METTL2A: variants seen among roughly 807,000 people sequenced by gnomAD.
The protein encoded by METTL2A is methyltransferase 2A, tRNA N3-cytidine, also known as tRNA N(3)-cytidine methyltransferase METTL2A.
METTL2A carries 45 observed loss-of-function variants against 49.4 expected under a neutral mutation model. That is an observed-to-expected ratio of 0.91 (90% CI 0.72 to 1.17). The LOEUF (loss-of-function observed/expected upper bound fraction) is 1.17. Among genes scored for constraint, METTL2A ranks in the 50% most tolerant of loss-of-function variants. The probability of loss-of-function intolerance (pLI) is 0.00; values close to 1 mark genes in which losing one functional copy is unlikely to be tolerated. For missense variants in METTL2A, 361 were observed against 462.2 expected (o/e 0.78, Z 2.01); for synonymous variants, 118 against 167.5 (o/e 0.70, Z 2.28).
intron 4 of METTL2A, among the ~76,000 whole-genome samples, chr17:62,430,554 A>G (rs1372519186): frequency 6.6e-6 from 1 of 152,120 alleles, no homozygotes; most frequent in Non-Finnish European, 1.5e-5. Context: ...CACACCTTGC[A>G]TGTCTTCCCC....
chr17:62,447,208 G>C lies in METTL2A; in HGVS notation c.917-493G>C, dbSNP rs550242559. ...CCACGGTGGGTGGATCACCTGAGGTGAGGAGTTTGAGACCAGCCTGGCCAA... is the reference window on the plus strand; with the variant it reads ...CCACGGTGGGTGGATCACCTGAGGTCAGGAGTTTGAGACCAGCCTGGCCAA... On this transcript the variant is annotated intron_variant, in intron 7 of 8. Transcript: ENST00000311506. Among the ~76,000 whole-genome samples the C allele has an allele frequency of 4.1e-4, 62 of 152,168 alleles. No individual in the cohort carries two copies. In the South Asian group the frequency reaches 6.4e-3, roughly 16 times the overall value.
chr17:62,451,128 G>A lies in METTL2A; in HGVS notation c.*2399G>A, dbSNP rs1287542665. Among the ~76,000 whole-genome samples, 2 of 145,858 alleles carry A rather than the reference G, an allele frequency of 1.4e-5. No individual in the cohort carries two copies. The highest frequency in any genetic ancestry group is 5.0e-5 in the African/African-American group (2 of 40,034). On this transcript the variant is annotated 3_prime_UTR_variant, in exon 9 of 9. Coordinates refer to ENST00000311506, the MANE Select transcript of METTL2A (RefSeq NM_181725.4). ...GGAGTTCAAGACCAGGCTGGGTAAT[G>A]TAGCAAGACCCTGACTTTTTTTTTT... is the stretch of plus-strand genomic sequence containing the variant.
At chr17:62,447,089 A>G (rs1398356118) in intron 7 of METTL2A, among the ~76,000 whole-genome samples, 1 of 152,180 alleles carries the variant, frequency 6.6e-6, no homozygotes, top group Non-Finnish European at 1.5e-5. Context: ...GATTGTCTCA[A>G]GTTTCCTTAA....
At position 62,440,738 on chromosome 17, in the gene METTL2A, C is replaced by G. The variant is rs1199680194; in HGVS notation, c.791C>G (p.Ser264Ter). Residue 264 changes from serine to a stop codon, truncating the protein, a stop_gained, in exon 6 of 9, where the codon TCA (serine) becomes TGA (stop). Transcript: ENST00000311506. LOFTEE classifies it high-confidence loss of function. Reference protein sequence around the residue: ...LDIIILIFVLSAIVPDKMQKA... With the variant: ...LDIIILIFVL Reference sequence around the variant, plus strand: ...ATTATCATTCTCATATTTGTTCTTTCAGCAATTGTTCCAGACAAGTAAGTT... The same window carrying G: ...ATTATCATTCTCATATTTGTTCTTTGAGCAATTGTTCCAGACAAGTAAGTT... 1.2e-6 allele frequency: 2 copies of G among 1,613,726 alleles called. No individual in the cohort carries two copies. The highest frequency in any genetic ancestry group is 1.7e-6 in the Non-Finnish European group (2 of 1,179,906).
chr17:62,438,877 A>G (rs1015947978), intron 5 of METTL2A, among the ~76,000 whole-genome samples: 1 of 151,846 alleles, frequency 6.6e-6, no homozygotes, highest in African/African-American at 2.4e-5. Context: ...GCGGTGGTAC[A>G]ATCAAACTCA....
chr17:62,440,427 C>T (rs1295501074), intron 5 of METTL2A, among the ~76,000 whole-genome samples, 190 bp from the exon 6 acceptor site: 6 of 152,118 alleles, frequency 3.9e-5, no homozygotes, highest in East Asian at 1.9e-4. Flanking sequence ...GATCCTATCG[C>T]GTGAACCCAA....
chr17:62,431,545 GTTTT>G (rs959221701), intron 4 of METTL2A, among the ~76,000 whole-genome samples: 60 of 151,948 alleles, frequency 3.9e-4, no homozygotes, highest in South Asian at 6.3e-4. Flanking sequence ...TAGAAACGGG[GTTTT>G]GCCATGTTGC....
chr17:62,426,088 C>T (rs2070623972), intron 2 of METTL2A, among the ~76,000 whole-genome samples: 1 of 151,698 alleles, frequency 6.6e-6, no homozygotes, highest in Non-Finnish European at 1.5e-5. Flanking sequence ...AGAATTTAGA[C>T]TCTCCTATAA....
intron 3 of METTL2A, among the ~76,000 whole-genome samples, chr17:62,427,535 T>G (rs2070636426): frequency 6.6e-6 from 1 of 152,214 alleles, no homozygotes; most frequent in African/African-American, 2.4e-5. Context: ...ACTCAAAAGA[T>G]AAAAGCAATC....
chr17:62,431,775 C>A (rs1376074344), intron 4 of METTL2A, among the ~76,000 whole-genome samples: 1 of 152,048 alleles, frequency 6.6e-6, no homozygotes, highest in African/African-American at 2.4e-5. Flanking sequence ...GGCTGGAATG[C>A]AGTGGCACGA....
intron 4 of METTL2A, among the ~76,000 whole-genome samples, chr17:62,433,138 TAAAG>T (rs983308179): frequency 2.9e-4 from 43 of 150,536 alleles, no homozygotes; most frequent in African/African-American, 9.2e-4. Flanking sequence ...GTAGAAAACT[TAAAG>T]AAAAGCACAG....
At chr17:62,428,131 G>GA (rs2070640768) in intron 4 of METTL2A, among the ~76,000 whole-genome samples, 1 of 152,158 alleles carries the variant, frequency 6.6e-6, no homozygotes, top group Admixed American at 6.5e-5. Context: ...TTGTCATTTG[G>GA]AAAATTAGAC....
At chr17:62,424,743 G>T (rs1282315497) in intron 2 of METTL2A, among the ~76,000 whole-genome samples, 5 of 151,900 alleles carry the variant, frequency 3.3e-5, no homozygotes, top group African/African-American at 9.7e-5. Context: ...TGGTGACTGT[G>T]TGTCTATTAC....
rs2070785756 is a variant in METTL2A, at chr17:62,448,733, GC to G, written c.*5del. On this transcript the variant is annotated 3_prime_UTR_variant, in exon 9 of 9. Coordinates refer to ENST00000311506, the MANE Select transcript of METTL2A (RefSeq NM_181725.4). ...CCTTCTGTCCAGCACCAGCTGAGAG[GC>G]ACCTGCTGCCAACACGATGCAAGCC... is the stretch of plus-strand genomic sequence containing the variant. 1.2e-6 allele frequency: 2 copies of G among 1,613,314 alleles called. No individual in the cohort carries two copies. Among genetic ancestry groups the G allele is most frequent in the African/African-American group, 2.7e-5 (2 of 74,852 alleles).
chr17:62,431,581 T>A (rs562880946), intron 4 of METTL2A, among the ~76,000 whole-genome samples: 2 of 152,254 alleles, frequency 1.3e-5, no homozygotes, highest in African/African-American at 2.4e-5. Flanking sequence ...TTCTTAATAT[T>A]TTTTTAATGT....
chr17:62,430,555 T>C (rs1326009275), intron 4 of METTL2A, among the ~76,000 whole-genome samples: 1 of 152,192 alleles, frequency 6.6e-6, no homozygotes, highest in African/African-American at 2.4e-5. Context: ...ACACCTTGCA[T>C]GTCTTCCCCT....
intron 6 of METTL2A, among the ~76,000 whole-genome samples, chr17:62,441,186 A>G (rs2079069362): frequency 6.6e-6 from 1 of 152,206 alleles, no homozygotes; most frequent in African/African-American, 2.4e-5. Flanking sequence ...AAGAAGCCAC[A>G]CCATTTGTAG....
At chr17:62,426,039 A>G (rs1453237071) in intron 2 of METTL2A, among the ~76,000 whole-genome samples, 1 of 151,512 alleles carries the variant, frequency 6.6e-6, no homozygotes, top group East Asian at 2.0e-4. Flanking sequence ...GTAGGAGGAC[A>G]CTTGATAGAT....
intron 5 of METTL2A, among the ~76,000 whole-genome samples, chr17:62,436,075 C>T: frequency 6.6e-6 from 1 of 151,840 alleles, no homozygotes; most frequent in Non-Finnish European, 1.5e-5. Flanking sequence ...ACTAAAAATA[C>T]AAAAAAATTA....
Sources: gnomAD v4.1 joint callset for allele counts (sites outside exome capture counted in the v4.1 genomes callset) on GRCh38, gnomAD v4.1.1 for gene constraint, MANE v1.5 for transcripts, NCBI Gene and HGNC (gene_info 2026-07-23, HGNC 2026-07-21) for gene names.